Variants in NAA16 observed in about 807,000 individuals in gnomAD.
The protein encoded by NAA16 is NARG1-like protein.
In NAA16, 97 loss-of-function variants were observed where a neutral mutation model predicts 110.3. The observed-to-expected ratio is 0.88, with a 90% CI of 0.75 to 1.04. NAA16 has a LOEUF of 1.04. Among genes scored for constraint, NAA16 ranks in the 50% least tolerant of loss-of-function variants. The probability of loss-of-function intolerance (pLI) is 0.00; values close to 1 mark genes in which losing one functional copy is unlikely to be tolerated. For synonymous variants in NAA16, 372 were observed against 330.6 expected, an observed-to-expected ratio of 1.13 and a Z score of -1.36; for missense variants, 1,017 against 1,005.1, an observed-to-expected ratio of 1.01 and a Z score of -0.16.
chr13:41,314,275 T>G (rs1367866037), intron 1 of NAA16, among the ~76,000 whole-genome samples: 2 of 152,202 alleles, frequency 1.3e-5, no homozygotes, highest in African/African-American at 4.8e-5. Context: ...AGTATGATTA[T>G]TATTATTTTC....
intron 10 of NAA16, among the ~76,000 whole-genome samples, chr13:41,355,712 G>A (rs961584759): frequency 6.6e-6 from 1 of 152,234 alleles, no homozygotes; most frequent in Non-Finnish European, 1.5e-5. Flanking sequence ...ACAGGCGTGA[G>A]CCACCACACC....
chr13:41,350,618 T>G (rs1479510928), intron 9 of NAA16, among the ~76,000 whole-genome samples: 8 of 107,802 alleles, frequency 7.4e-5, no homozygotes, highest in Non-Finnish European at 1.4e-4. Context: ...TTTTTTTTTT[T>G]TGTTTGTTTG....
intron 11 of NAA16, 62 bp downstream of exon 11, chr13:41,358,535 A>C: frequency 1.9e-6 from 3 of 1,586,480 alleles, no homozygotes; most frequent in South Asian, 1.1e-5. Flanking sequence ...GAATCCTTGG[A>C]GTTTTTTCTT....
Position 41,376,367 on chromosome 13 carries a change from A to G in NAA16, c.*765A>G, listed in dbSNP as rs1305003419. 1 of 152,126 alleles carries G rather than the reference A, an allele frequency of 6.6e-6. No individual in the cohort carries two copies. The highest frequency in any genetic ancestry group is 1.5e-5 in the Non-Finnish European group (1 of 68,020). The allele number at this position is 152,126 out of a possible 1,614,324, so 9.4% of individuals were successfully genotyped here. A position where few individuals can be genotyped will look rare whatever the true frequency, so the allele number is the denominator to read the frequency against. On this transcript the variant is annotated 3_prime_UTR_variant, in exon 20 of 20. Coordinates refer to ENST00000379406, the MANE Select transcript of NAA16 (RefSeq NM_024561.5). ...CGTCCTTTTTTCATTGTAATATTTC[A>G]TGGTTTACTATTTCCTTTTAGTATT... is the stretch of plus-strand genomic sequence containing the variant.
At position 41,362,090 on chromosome 13, in the gene NAA16, A is replaced by G. The variant is rs2043123215; in HGVS notation, c.1470A>G (p.Glu490=). 1 of 1,610,406 alleles carries G rather than the reference A, an allele frequency of 6.2e-7. No individual in the cohort carries two copies. Among genetic ancestry groups the G allele is most frequent in the Non-Finnish European group, 8.5e-7 (1 of 1,178,808 alleles). ...NEMQCMWFQT[E]CISAYQRLGR... is the part of the protein sequence containing the mutation. ...TGCAGTGTATGTGGTTTCAGACAGAATGCATTTCAGCTTATCAGCGTCTGG... is the reference window on the plus strand; with the variant it reads ...TGCAGTGTATGTGGTTTCAGACAGAGTGCATTTCAGCTTATCAGCGTCTGG... The change falls in exon 13 of 20, where the codon GAA becomes GAG. Residue 490 remains glutamate, a synonymous_variant. Coordinates refer to ENST00000379406, the MANE Select transcript of NAA16 (RefSeq NM_024561.5).
intron 8 of NAA16, among the ~76,000 whole-genome samples, chr13:41,331,607 A>G (rs1194611086): frequency 6.6e-6 from 1 of 152,076 alleles, no homozygotes; most frequent in Non-Finnish European, 1.5e-5. Flanking sequence ...AGTTGATCTC[A>G]TAGAGGTAGA....
intron 15 of NAA16, among the ~76,000 whole-genome samples, chr13:41,371,551 T>G (rs779283477): frequency 6.4e-4 from 98 of 152,322 alleles, no homozygotes; most frequent in Non-Finnish European, 1.2e-3. Context: ...TTCCACTTAA[T>G]GAGTAGCAAA....
At position 41,328,859 on chromosome 13, in the gene NAA16, TCTC is replaced by T. The variant is rs2042161218; in HGVS notation, c.811+20_811+22del. The stretch of plus-strand genomic sequence containing the variant: ...CTACAAATTAGTATGTAATGATTTT[TCTC>T]CTCTTTCTCATAACTACTGATTGAA... On this transcript the variant is annotated intron_variant, in intron 7 of 19. Coordinates refer to ENST00000379406, the MANE Select transcript of NAA16 (RefSeq NM_024561.5). The T allele has an allele frequency of 7.0e-6, 11 of 1,573,974 alleles. No individual in the cohort carries two copies. The South Asian group carries it at 1.1e-4, about 16-fold the overall frequency.
At chr13:41,373,936 A>G in intron 18 of NAA16, 156 bp downstream of exon 18, 1 of 1,210,116 alleles carries the variant, frequency 8.3e-7, no homozygotes, top group Non-Finnish European at 1.1e-6. Context: ...TAATAGGGGA[A>G]ACAGGGATGG....
intron 7 of NAA16, among the ~76,000 whole-genome samples, chr13:41,330,270 C>A (rs1010827703): frequency 3.3e-5 from 5 of 151,516 alleles, no homozygotes; most frequent in African/African-American, 4.8e-5. Flanking sequence ...AAACATATTA[C>A]TGGGGGAAGG....
chr13:41,324,204 G>T (rs149771896), intron 5 of NAA16, among the ~76,000 whole-genome samples: 188 of 152,130 alleles, frequency 1.2e-3, no homozygotes, highest in African/African-American at 4.0e-3. Context: ...TCACACCAGA[G>T]AATTGATTAG....
chr13:41,336,706 T>C lies in NAA16; in HGVS notation c.964T>C (p.Cys322Arg). 6.2e-7 allele frequency: 1 copy of C among 1,610,106 alleles called. No homozygotes were observed. Residue 322 changes from cysteine to arginine, a missense_variant, in exon 9 of 20, where the codon TGC becomes CGC. Transcript: ENST00000379406. The stretch of plus-strand genomic sequence containing the variant: ...CCTGAGGGTTAACTTCAGTAAAGGC[T>C]GCCCACCCTTGTTTACTACTTTGAA... Reference protein sequence around the residue: ...KFLRVNFSKGCPPLFTTLKSL... With the variant: ...KFLRVNFSKGRPPLFTTLKSL...
intron 9 of NAA16, among the ~76,000 whole-genome samples, chr13:41,340,809 C>T (rs757231527): frequency 1.1e-4 from 17 of 151,552 alleles, no homozygotes; most frequent in Non-Finnish European, 1.9e-4. Flanking sequence ...CCAGATCAGC[C>T]GGGACTGCAG....
At chr13:41,323,284 C>A in intron 5 of NAA16, 94 bp downstream of exon 5, 1 of 1,274,272 alleles carries the variant, frequency 7.8e-7, no homozygotes, top group Non-Finnish European at 1.1e-6. Flanking sequence ...GTATTTGAAA[C>A]CTATGGAAAA....
At chr13:41,375,372 T>A in intron 19 of NAA16, 33 bp from the exon 20 acceptor site, 2 of 1,493,164 alleles carry the variant, frequency 1.3e-6, no homozygotes, top group Non-Finnish European at 1.9e-6. Flanking sequence ...TTATTATTTT[T>A]AAATAATTTG....
chr13:41,348,572 C>T (rs989527420), intron 9 of NAA16, among the ~76,000 whole-genome samples: 1 of 152,112 alleles, frequency 6.6e-6, no homozygotes, highest in African/African-American at 2.4e-5. Flanking sequence ...TAGGATATTG[C>T]ATTTATATTC....
chr13:41,348,385 T>C (rs1593481736), intron 9 of NAA16, among the ~76,000 whole-genome samples: 1 of 152,088 alleles, frequency 6.6e-6, no homozygotes, highest in African/African-American at 2.4e-5. Context: ...CACAGGCTGG[T>C]CTTGAACTCC....
At chr13:41,375,226 C>T (rs1367190686) in intron 19 of NAA16, among the ~76,000 whole-genome samples, 179 bp from the exon 20 acceptor site, 4 of 152,104 alleles carry the variant, frequency 2.6e-5, no homozygotes, top group African/African-American at 4.8e-5. Context: ...CTGCCTTTTT[C>T]GGGGTTGAAT....
intron 4 of NAA16, among the ~76,000 whole-genome samples, chr13:41,322,332 G>T (rs1280037793): frequency 6.6e-6 from 1 of 152,176 alleles, no homozygotes; most frequent in Non-Finnish European, 1.5e-5. Flanking sequence ...CAGCATGGGA[G>T]CTGTGGGTAG....
Sources: gnomAD v4.1 joint callset for allele counts (sites outside exome capture counted in the v4.1 genomes callset) on GRCh38, gnomAD v4.1.1 for gene constraint, MANE v1.5 for transcripts, NCBI Gene and HGNC (gene_info 2026-07-23, HGNC 2026-07-21) for gene names.